KCNH6: variants seen among roughly 807,000 people sequenced by gnomAD.
KCNH6 encodes potassium voltage-gated channel subfamily H member 6.
A neutral mutation model predicts 83.4 loss-of-function variants in KCNH6; 81 were observed. The ratio of observed to expected loss-of-function variants is 0.97; its 90% CI spans 0.81 to 1.17. The LOEUF is 1.17. Among genes scored for constraint, KCNH6 ranks in the 50% most tolerant of loss-of-function variants. The probability of loss-of-function intolerance (pLI) is 0.00; values close to 1 mark genes in which losing one functional copy is unlikely to be tolerated. For missense variants in KCNH6, 1,203 were observed against 1,290.5 expected, an observed-to-expected ratio of 0.93 and a Z score of 1.04; for synonymous variants, 503 against 545.6, an observed-to-expected ratio of 0.92 and a Z score of 1.09.
intron 4 of KCNH6, among the ~76,000 whole-genome samples, chr17:63,531,890 G>A (rs940426287): frequency 2.6e-5 from 4 of 152,230 alleles, no homozygotes; most frequent in Non-Finnish European, 5.9e-5. Flanking sequence ...CCTGCTCCAT[G>A]TGGGTCCTAG....
rs753025910 is a variant in KCNH6, at chr17:63,534,164, C to T, written c.954C>T (p.Asn318=). The change falls in exon 5 of 13, where the codon AAC becomes AAT. Residue 318 remains asparagine, a synonymous_variant. Transcript: ENST00000314672. This position sits in a 1 kb window ranked among gnomAD's most constrained non-coding sequence, Gnocchi z 5.0. Reference sequence around the variant, plus strand: ...TGTTCGTCGTGGACATCGTCATCAACTTCCGCACCACCTATGTCAACACCA... The same window carrying T: ...TGTTCGTCGTGGACATCGTCATCAATTTCCGCACCACCTATGTCAACACCA... ...DIMFVVDIVI[N]FRTTYVNTND... 2.1e-5 allele frequency: 33 copies of T among 1,554,810 alleles called. No individual in the cohort carries two copies. In the African/African-American group the frequency reaches 3.9e-4, roughly 18 times the overall value.
At position 63,535,132 on chromosome 17, in the gene KCNH6, C is replaced by G. The variant is rs1331169443; in HGVS notation, c.1102-537C>G. ...TCAGTGGCTTCCCAAGGCCTACAGA[C>G]TAGAAGCCAAGTTCATGATGGACCC... On this transcript the variant is annotated intron_variant, in intron 5 of 12. Coordinates refer to ENST00000314672, the MANE Select transcript of KCNH6 (RefSeq NM_001278919.2). This position sits in a 1 kb window ranked among gnomAD's most constrained non-coding sequence, Gnocchi z 4.9. Among the ~76,000 whole-genome samples the G allele has an allele frequency of 3.3e-5, 5 of 152,216 alleles. No homozygotes were observed. The highest frequency in any genetic ancestry group is 7.3e-5 in the Non-Finnish European group (5 of 68,044).
At chr17:63,543,751 G>T in intron 10 of KCNH6, 91 bp downstream of exon 10, 1 of 803,616 alleles carries the variant, frequency 1.2e-6, no homozygotes, top group Non-Finnish European at 2.2e-6. Context: ...CCTCCCCAGC[G>T]CCACCCCACT....
chr17:63,542,661 C>A (rs2032933505), intron 9 of KCNH6, among the ~76,000 whole-genome samples: 1 of 152,188 alleles, frequency 6.6e-6, no homozygotes, highest in Non-Finnish European at 1.5e-5. Flanking sequence ...GATCTTCTTG[C>A]AAATGGTATT....
chr17:63,545,217 A>T lies in KCNH6; in HGVS notation c.2536A>T (p.Thr846Ser). The T allele has an allele frequency of 6.2e-7, 1 of 1,613,692 alleles. No homozygotes were observed. Among genetic ancestry groups the T allele is most frequent in the South Asian group, 1.1e-5 (1 of 91,078 alleles). ...CTTGGTTCCTATAGCCTCGGAGACG[A>T]CGAGTCCAGGGCCCAGGCTGCCCCA... Reference protein sequence around the residue: ...LALVPIASETTSPGPRLPQGF... With the variant: ...LALVPIASETSSPGPRLPQGF... The change falls in exon 12 of 13, where the codon ACG becomes TCG. Residue 846 changes from threonine to serine, a missense_variant. By Grantham distance (58) the Thr-to-Ser change is moderately conservative. Transcript: ENST00000314672.
In KCNH6 at chr17:63,545,102, C is replaced by A. The variant is rs148464755; in HGVS notation, c.2421C>A (p.Asp807Glu). 5.0e-4 allele frequency: 814 copies of A among 1,613,564 alleles called. 5 individuals carry two copies. In the African/African-American group the frequency reaches 9.8e-3, roughly 19 times the overall value. The change falls in exon 12 of 13, where the codon GAC (aspartate) becomes GAA (glutamate). Residue 807 changes from aspartate to glutamate, a missense_variant. Coordinates refer to ENST00000314672, the MANE Select transcript of KCNH6 (RefSeq NM_001278919.2). The part of the protein sequence containing the change: ...MNRLESRVSS[D>E]LSRILQLLQK... ...GGCTGGAGTCCCGCGTGTCCTCAGA[C>A]CTCAGCCGCATCTTGCAGCTCCTCC... is the stretch of plus-strand genomic sequence containing the variant.
chr17:63,542,479 C>A, intron 9 of KCNH6, 45 bp downstream of exon 9: 1 of 1,569,696 alleles, frequency 6.4e-7, no homozygotes, highest in Non-Finnish European at 8.8e-7. Context: ...AATGCCCAGG[C>A]AGCCTGCCTG....
At chr17:63,524,439 C>T (rs2031564844) in intron 2 of KCNH6, 70 bp downstream of exon 2, 2 of 1,399,144 alleles carry the variant, frequency 1.4e-6, no homozygotes, top group Admixed American at 1.8e-5. Context: ...CCAGGGTGGC[C>T]TTGGGGAAGG....
chr17:63,538,649 C>T lies in KCNH6; in HGVS notation c.1941C>T (p.Val647=), dbSNP rs1166573819. Reference sequence around the variant, plus strand: ...TCGAGATCCTGCGCGACGACGTGGTCGTGGCCATCCTAGGTGGGTCCGGCG... The same window carrying T: ...TCGAGATCCTGCGCGACGACGTGGTTGTGGCCATCCTAGGTGGGTCCGGCG... ...GSIEILRDDV[V]VAILGKNDIF... Residue 647 remains valine, a synonymous_variant, in exon 8 of 13, where the codon GTC becomes GTT. Coordinates refer to ENST00000314672, the MANE Select transcript of KCNH6 (RefSeq NM_001278919.2). This position sits in a 1 kb window ranked among gnomAD's most constrained non-coding sequence, Gnocchi z 4.0. 1 of 1,592,790 alleles carries T rather than the reference C, an allele frequency of 6.3e-7. No individual in the cohort carries two copies. The highest frequency in any genetic ancestry group is 1.3e-5 in the African/African-American group (1 of 74,578).
In KCNH6 at chr17:63,534,579, G is replaced by C. The variant is rs550363804; in HGVS notation, c.1101+268G>C. 6.6e-6 allele frequency among the ~76,000 whole-genome samples: 1 copy of C among 151,936 alleles called. No individual in the cohort carries two copies. The highest frequency in any genetic ancestry group is 1.5e-5 in the Non-Finnish European group (1 of 67,964). ...GGAGCAGGCTGCCCCTTCCAGGATGGGCACTCGTGTGGTCCCGGCCCCTCA... is the reference window on the plus strand; with the variant it reads ...GGAGCAGGCTGCCCCTTCCAGGATGCGCACTCGTGTGGTCCCGGCCCCTCA... On this transcript the variant is annotated intron_variant, in intron 5 of 12. Transcript: ENST00000314672. The surrounding 1 kb of genome is among the most constrained non-coding windows in gnomAD (Gnocchi z 5.0).
In KCNH6 at chr17:63,533,885, G is replaced by T. The variant is rs373428899; in HGVS notation, c.676-1G>T. The stretch of plus-strand genomic sequence containing the variant: ...TGACCTCCCTCGGCCCCCACCCCCA[G>T]GTCCTGTCCCTGGGCGCGGATGTGC... On this transcript the variant is annotated splice_acceptor_variant, in intron 4 of 12. Coordinates refer to ENST00000314672, the MANE Select transcript of KCNH6 (RefSeq NM_001278919.2). LOFTEE classifies it high-confidence loss of function. The surrounding 1 kb of genome is among the most constrained non-coding windows in gnomAD (Gnocchi z 4.1). 13 of 1,611,180 alleles carry T rather than the reference G, an allele frequency of 8.1e-6. No homozygotes were observed. The African/African-American group carries it at 1.2e-4, about 15-fold the overall frequency.
At position 63,534,073 on chromosome 17, in the gene KCNH6, C is replaced by T; in HGVS notation, c.863C>T (p.Ser288Leu). ...AAFLLSDQDE[S>L]RRGACSYTCS... The stretch of plus-strand genomic sequence containing the variant: ...TTCCTGCTCAGCGATCAGGACGAAT[C>T]ACGGCGTGGGGCCTGCAGCTATACC... Residue 288 changes from serine to leucine, a missense_variant, in exon 5 of 13, where the codon TCA becomes TTA. By Grantham distance (145) the Ser-to-Leu change is moderately radical (BLOSUM62 -2). Transcript: ENST00000314672. This position sits in a 1 kb window ranked among gnomAD's most constrained non-coding sequence, Gnocchi z 5.0. The T allele has an allele frequency of 6.2e-7, 1 of 1,614,116 alleles. No homozygotes were observed. Among genetic ancestry groups the T allele is most frequent in the Non-Finnish European group, 8.5e-7 (1 of 1,179,996 alleles).
chr17:63,529,443 T>A (rs557638572), intron 2 of KCNH6, among the ~76,000 whole-genome samples: 18 of 152,060 alleles, frequency 1.2e-4, no homozygotes, highest in Non-Finnish European at 2.6e-4. Context: ...CCCAAACAAG[T>A]CCCTTCCCTT....
In KCNH6 at chr17:63,536,263, C is replaced by A. The variant is rs2032495101; in HGVS notation, c.1501+195C>A. 3 of 592,366 alleles carry A rather than the reference C, an allele frequency of 5.1e-6. No homozygotes were observed. The African/African-American group carries it at 5.6e-5, about 11-fold the overall frequency. 36.7% of individuals were successfully genotyped at this position (592,366 alleles called of 1,614,324 possible). On this transcript the variant is annotated intron_variant, in intron 6 of 12. Transcript: ENST00000314672. ...ATACAATATTTAACACCCACACAGC[C>A]CATGCTATCTGCCAGGCACCAAGAC...
rs369105144 is a variant in KCNH6 at position 63,538,114 on chromosome 17, C to G, written c.1551C>G (p.Arg517=). ...IFGNVSAIIQ[R]LYSGTARYHT... ...GGAACGTGTCCGCGATCATCCAGCG[C>G]CTGTACTCGGGCACCGCGCGCTACC... The change falls in exon 7 of 13, where the codon CGC becomes CGG. Residue 517 remains arginine (R), a synonymous_variant. Coordinates refer to ENST00000314672, the MANE Select transcript of KCNH6 (RefSeq NM_001278919.2). This position sits in a 1 kb window ranked among gnomAD's most constrained non-coding sequence, Gnocchi z 4.0. 6.2e-7 allele frequency: 1 copy of G among 1,613,990 alleles called. No homozygotes were observed.
chr17:63,523,379 C>T lies in KCNH6; in HGVS notation c.-35C>T, dbSNP rs373457534. The T allele has an allele frequency of 1.3e-6, 2 of 1,561,756 alleles. No individual in the cohort carries two copies. Among genetic ancestry groups the T allele is most frequent in the South Asian group, 1.1e-5 (1 of 87,052 alleles). On this transcript the variant is annotated 5_prime_UTR_variant, in exon 1 of 13. Transcript: ENST00000314672. This position sits in a 1 kb window ranked among gnomAD's most constrained non-coding sequence, Gnocchi z 4.2. Reference sequence around the variant, plus strand: ...AGACGGAGACGCCGGGAGCCAGTGGCGCCTGTGGCTCCGGGCAGGGGCCGC... The same window carrying T: ...AGACGGAGACGCCGGGAGCCAGTGGTGCCTGTGGCTCCGGGCAGGGGCCGC...
intron 6 of KCNH6, among the ~76,000 whole-genome samples, chr17:63,537,201 T>C (rs1028999762): frequency 1.3e-5 from 2 of 152,020 alleles, no homozygotes; most frequent in Non-Finnish European, 2.9e-5. Context: ...AATGTCCGAG[T>C]GACTCAATCC....
chr17:63,531,714 A>G (rs1033410972), intron 4 of KCNH6, among the ~76,000 whole-genome samples: 9 of 152,232 alleles, frequency 5.9e-5, no homozygotes, highest in Non-Finnish European at 8.8e-5. Flanking sequence ...TGCTTACTCC[A>G]GGACATCTTA....
intron 4 of KCNH6, among the ~76,000 whole-genome samples, chr17:63,532,437 C>G (rs2032182818): frequency 6.6e-6 from 1 of 152,194 alleles, no homozygotes; most frequent in Admixed American, 6.5e-5. Flanking sequence ...GGGAGCCAAA[C>G]TCAGTGAGCC....
Sources: gnomAD v4.1 joint callset for allele counts (sites outside exome capture counted in the v4.1 genomes callset) on GRCh38, gnomAD v4.1.1 for gene constraint, Gnocchi (gnomAD v3.1) non-coding constraint, MANE v1.5 for transcripts, NCBI Gene and HGNC (gene_info 2026-07-23, HGNC 2026-07-21) for gene names.